GBP3: variants seen among roughly 807,000 people sequenced by gnomAD.
GBP3 encodes guanylate binding protein 3.
A neutral mutation model predicts 62.4 loss-of-function variants in GBP3; 55 were observed. That is an observed-to-expected ratio of 0.88 (90% CI 0.71 to 1.10). The LOEUF is 1.10. GBP3 is among the 50% of genes least tolerant of loss of function. The pLI, the probability that GBP3 is intolerant of heterozygous loss-of-function variation, is 0.00. For missense variants in GBP3, 605 were observed against 690.6 expected, an observed-to-expected ratio of 0.88 and a Z score of 1.39; for synonymous variants, 208 against 259.2, an observed-to-expected ratio of 0.80 and a Z score of 1.90.
rs929980428 is a variant in GBP3, at chr1:89,022,293, C to G, written c.-23+391G>C. On this transcript the variant is annotated intron_variant, in intron 1 of 10. Transcript: ENST00000370481. ...GAAAAGAACCCATTTGTAGCTCTTT[C>G]CATTTCTTAGCTGCATAGGAGCAGG... is the stretch of plus-strand genomic sequence containing the variant. Among the ~76,000 whole-genome samples the G allele has an allele frequency of 3.9e-5, 6 of 152,168 alleles. No individual in the cohort carries two copies. In the South Asian group the frequency reaches 8.3e-4, roughly 21 times the overall value.
intron 1 of GBP3, among the ~76,000 whole-genome samples, chr1:89,021,527 CA>C (rs2101171705): frequency 7.2e-6 from 1 of 139,266 alleles, no homozygotes; most frequent in Non-Finnish European, 1.7e-5. Context: ...CACACACACA[CA>C]CACACACACA....
intron 2 of GBP3, chr1:89,020,215 G>T (rs1679104354): frequency 2.4e-6 from 1 of 408,240 alleles, no homozygotes; most frequent in South Asian, 2.0e-5. Context: ...CTCCAGCCTG[G>T]GGAAAGAGCA....
chr1:89,009,400 T>C lies in GBP3; in HGVS notation c.1457A>G (p.Glu486Gly). 3 of 1,613,890 alleles carry C rather than the reference T, an allele frequency of 1.9e-6. No homozygotes were observed. The highest frequency in any genetic ancestry group is 2.5e-6 in the Non-Finnish European group (3 of 1,179,756). Residue 486 changes from glutamate to glycine, a missense_variant, in exon 9 of 11, where the codon GAG (glutamate) becomes GGG (glycine). Around this residue, in one of 3 missense-constraint regions of GBP3, gnomAD observed 160 missense variants for 147.8 expected, o/e 1.08. Coordinates refer to ENST00000370481, the MANE Select transcript of GBP3 (RefSeq NM_018284.3). The stretch of plus-strand genomic sequence containing the variant: ...TTTGACTTGCTCCTCACCTTCAATC[T>C]CCTTTTCCTTTTCTGTGAGAATCTG... ...TDQILTEKEK[E>G]IEVECVKAES...
chr1:89,018,399 C>A (rs1679002012), intron 2 of GBP3, among the ~76,000 whole-genome samples: 1 of 152,138 alleles, frequency 6.6e-6, no homozygotes, highest in African/African-American at 2.4e-5. Context: ...TAAGATAGGG[C>A]CATAAACGCA....
Position 89,011,981 on chromosome 1 carries a change from C to T in GBP3, c.915G>A (p.Gly305=). 1 of 1,462,418 alleles carries T rather than the reference C, an allele frequency of 6.8e-7. No individual in the cohort carries two copies. Among genetic ancestry groups the T allele is most frequent in the Non-Finnish European group, 9.5e-7 (1 of 1,055,250 alleles). 90.6% of individuals were successfully genotyped at this position (1,462,418 alleles called of 1,614,324 possible). A position where few individuals can be genotyped will look rare whatever the true frequency, so the allele number is the denominator to read the frequency against. Residue 305 remains glycine, a synonymous_variant, in exon 7 of 11, where the codon GGG becomes GGA. Transcript: ENST00000370481. ...VLTYINAISR[G]DLPCMENAVL... ...CTGCGTTCTCCATGCAGGGCAGATCCCCTCTGCTGATAGCATTGATATAGG... is the reference window on the plus strand; with the variant it reads ...CTGCGTTCTCCATGCAGGGCAGATCTCCTCTGCTGATAGCATTGATATAGG...
intron 4 of GBP3, 131 bp from the exon 5 acceptor site, chr1:89,014,410 A>T (rs771561452): frequency 1.9e-6 from 3 of 1,593,110 alleles, no homozygotes; most frequent in African/African-American, 1.3e-5. Flanking sequence ...GATACATGGG[A>T]TCTCTCCTCT....
chr1:89,014,302 G>A, intron 4 of GBP3, 23 bp from the exon 5 acceptor site: 1 of 1,613,950 alleles, frequency 6.2e-7, no homozygotes, highest in Non-Finnish European at 8.5e-7. Flanking sequence ...CTAAGGAAAT[G>A]TGACAAAATG....
rs796417229 is a variant in GBP3 at position 89,018,078 on chromosome 1, C to CAA, written c.190+2452_190+2453dup. Among the ~76,000 whole-genome samples, 531 of 119,420 alleles carry CAA rather than the reference C, an allele frequency of 4.4e-3. 1 individual carries two copies. Among genetic ancestry groups the CAA allele is most frequent in the African/African-American group, 0.014 (478 of 34,006 alleles). The allele number at this position is 119,420 out of a possible 152,430, so 78.3% of individuals were successfully genotyped here. ...TGGGTGACAGAGTGAGACTGTGTCTCAAAAAAAAAAAAAATTAAAATAACT... is the reference window on the plus strand; with the variant it reads ...TGGGTGACAGAGTGAGACTGTGTCTCAAAAAAAAAAAAAAAATTAAAATAACT... On this transcript the variant is annotated intron_variant, in intron 2 of 10. Transcript: ENST00000370481.
At position 89,015,353 on chromosome 1, in the gene GBP3, A is replaced by G; in HGVS notation, c.252T>C (p.Pro84=). 6.2e-7 allele frequency: 1 copy of G among 1,613,162 alleles called. No individual in the cohort carries two copies. The highest frequency in any genetic ancestry group is 8.5e-7 in the Non-Finnish European group (1 of 1,179,370). ...AGGTGTGTTCTGGCTTTTTGGGGTG[A>G]GGCACACACCACATCCAGATTCCTT... ...HTKGIWMWCV[P]HPKKPEHTLV... The change falls in exon 3 of 11, where the codon CCT becomes CCC. Residue 84 remains proline (P), a synonymous_variant. Coordinates refer to ENST00000370481, the MANE Select transcript of GBP3 (RefSeq NM_018284.3).
chr1:89,014,803 T>G (rs1319577438), intron 3 of GBP3, 147 bp from the exon 4 acceptor site: 1 of 992,208 alleles, frequency 1.0e-6, no homozygotes, highest in African/African-American at 1.6e-5. Flanking sequence ...ACAAAATGAT[T>G]GTTACTCAGC....
chr1:89,011,996 A>T lies in GBP3; in HGVS notation c.900T>A (p.Asn300Lys), dbSNP rs1678598979. ...AGGGCAGATCCCCTCTGCTGATAGC[A>T]TTGATATAGGTCAGCACTAGGCTCT... The part of the protein sequence containing the change: ...RLESLVLTYI[N>K]AISRGDLPCM... The change falls in exon 7 of 11, where the codon AAT (asparagine) becomes AAA (lysine). Residue 300 changes from asparagine (N) to lysine (K), a missense_variant. Physicochemically the swap from Asn to Lys is moderately conservative, Grantham distance 94. Transcript: ENST00000370481. 1 of 1,462,430 alleles carries T rather than the reference A, an allele frequency of 6.8e-7. No homozygotes were observed. The highest frequency in any genetic ancestry group is 1.8e-5 in the Admixed American group (1 of 56,112). 90.6% of individuals were successfully genotyped at this position (1,462,430 alleles called of 1,614,324 possible).
chr1:89,013,001 T>G (rs1678655840), intron 6 of GBP3, among the ~76,000 whole-genome samples, 184 bp downstream of exon 6: 1 of 107,092 alleles, frequency 9.3e-6, no homozygotes, highest in Non-Finnish European at 1.9e-5. Context: ...CCATGCCTCA[T>G]TTATTTTTGT....
intron 3 of GBP3, 46 bp from the exon 4 acceptor site, chr1:89,014,702 C>T (rs1325572333): frequency 7.4e-6 from 12 of 1,610,746 alleles, no homozygotes; most frequent in East Asian, 4.5e-5. Flanking sequence ...TTCATCATCA[C>T]AGCACTTTCC....
At chr1:89,021,347 GGCTA>G (rs1679179005) in intron 1 of GBP3, among the ~76,000 whole-genome samples, 1 of 152,084 alleles carries the variant, frequency 6.6e-6, no homozygotes, top group Non-Finnish European at 1.5e-5. Context: ...TGAAACACAT[GGCTA>G]GGGACCTTTC....
Position 89,013,356 on chromosome 1 carries a change from A to T in GBP3, c.697T>A (p.Cys233Ser), listed in dbSNP as rs1553176696. ...TGAATGGGCAGATCGAAGACAAAAC[A>T]TTTTTTCTTTGGGAAGAACTTCCGG... is the stretch of plus-strand genomic sequence containing the variant. ...CIRKFFPKKK[C>S]FVFDLPIHRR... Residue 233 changes from cysteine to serine, a missense_variant, in exon 6 of 11, where the codon TGT becomes AGT. Around this residue, in one of 3 missense-constraint regions of GBP3, gnomAD observed 308 missense variants for 318.0 expected, o/e 0.97. Transcript: ENST00000370481. 3.1e-6 allele frequency: 5 copies of T among 1,614,116 alleles called. No individual in the cohort carries two copies. In the South Asian group the frequency reaches 4.4e-5, roughly 14 times the overall value.
intron 2 of GBP3, 43 bp from the exon 3 acceptor site, chr1:89,015,457 G>T (rs769746140): frequency 2.8e-5 from 45 of 1,581,414 alleles, no homozygotes; most frequent in African/African-American, 1.4e-4. Flanking sequence ...AGGTTTAATA[G>T]CAGGTACTTC....
At chr1:89,017,401 T>C (rs553166551) in intron 2 of GBP3, among the ~76,000 whole-genome samples, 10 of 149,616 alleles carry the variant, frequency 6.7e-5, no homozygotes, top group Admixed American at 2.7e-4. Context: ...CCATTAGAGC[T>C]AAAACTATAA....
At chr1:89,015,744 T>TAAAAAA (rs58886103) in intron 2 of GBP3, among the ~76,000 whole-genome samples, 9 of 86,024 alleles carry the variant, frequency 1.0e-4, no homozygotes, top group African/African-American at 3.8e-4. Context: ...ACTCTTGTCT[T>TAAAAAA]AAAAAAAAAA....
intron 2 of GBP3, chr1:89,020,161 C>T (rs183510699): frequency 1.2e-5 from 5 of 403,674 alleles, no homozygotes; most frequent in African/African-American, 1.0e-4. Flanking sequence ...ATTGCTTGAG[C>T]CCAGGAAGTC....
Sources: gnomAD v4.1 joint callset for allele counts (sites outside exome capture counted in the v4.1 genomes callset) on GRCh38, gnomAD v4.1.1 for gene constraint, gnomAD v4.1.1 regional missense constraint, MANE v1.5 for transcripts, NCBI Gene and HGNC (gene_info 2026-07-23, HGNC 2026-07-21) for gene names.